PCDH7: variants seen among roughly 807,000 people sequenced by gnomAD.
PCDH7 encodes the protein protocadherin 7.
A neutral mutation model predicts 58.9 loss-of-function variants in PCDH7; 17 were observed. The ratio of observed to expected loss-of-function variants is 0.29; its 90% CI spans 0.20 to 0.43. The LOEUF is 0.43. Ranked by LOEUF, PCDH7 falls within the 20% of genes least tolerant of loss-of-function variation. The pLI is 1.00. For synonymous variants in PCDH7, 664 were observed against 616.4 expected, an observed-to-expected ratio of 1.08 and a Z score of -1.14; for missense variants, 1,274 against 1,441.0, an observed-to-expected ratio of 0.88 and a Z score of 1.88.
At chr4:31,072,542 G>A (rs1001957023) in intron 3 of PCDH7, among the ~76,000 whole-genome samples, 44 of 152,108 alleles carry the variant, frequency 2.9e-4, no homozygotes, top group African/African-American at 1.0e-3. Flanking sequence ...TCTTGGAGGA[G>A]TCACCATTTT....
At chr4:30,947,339 C>T (rs1354657361) in intron 2 of PCDH7, among the ~76,000 whole-genome samples, 1 of 152,080 alleles carries the variant, frequency 6.6e-6, no homozygotes, top group East Asian at 1.9e-4. Context: ...TTAATAATAA[C>T]CACAAACTGT....
intron 1 of PCDH7, among the ~76,000 whole-genome samples, chr4:30,865,766 T>C (rs1734799966): frequency 6.6e-6 from 1 of 152,106 alleles, no homozygotes; most frequent in Admixed American, 6.6e-5. Flanking sequence ...TTTTCTCAGT[T>C]GATGAACAGT....
intron 3 of PCDH7, among the ~76,000 whole-genome samples, chr4:31,021,585 ACTCAAAGACCCAGATTCCTTAC>A (rs556250524): frequency 6.6e-6 from 1 of 152,036 alleles, no homozygotes; most frequent in African/African-American, 2.4e-5. Flanking sequence ...TTTCTGCGGG[ACTCAAAGACCCAGATTCCTTAC>A]CTCTTGTAAT....
intron 3 of PCDH7, among the ~76,000 whole-genome samples, chr4:31,136,386 G>A (rs561880469): frequency 2.3e-4 from 35 of 152,158 alleles, no homozygotes; most frequent in Admixed American, 5.2e-4. Flanking sequence ...ACGTGGTTGA[G>A]CCTGGAATCA....
chr4:30,934,397 C>A (rs2109429525), intron 2 of PCDH7, among the ~76,000 whole-genome samples: 1 of 151,484 alleles, frequency 6.6e-6, no homozygotes, highest in African/African-American at 2.4e-5. Flanking sequence ...GCTTCTTAAA[C>A]TTTTTCTGAA....
At chr4:30,815,977 G>C (rs1424440970) in intron 1 of PCDH7, among the ~76,000 whole-genome samples, 3 of 152,148 alleles carry the variant, frequency 2.0e-5, no homozygotes, top group Non-Finnish European at 4.4e-5. Flanking sequence ...TTGAGAAAAG[G>C]TGTTTGAAAC....
At chr4:30,967,927 C>A (rs1749138740) in intron 3 of PCDH7, among the ~76,000 whole-genome samples, 1 of 152,034 alleles carries the variant, frequency 6.6e-6, no homozygotes, top group African/African-American at 2.4e-5. Context: ...ATAACTCAGA[C>A]AAAAATTGAT....
chr4:31,027,888 C>T (rs1052237155), intron 3 of PCDH7, among the ~76,000 whole-genome samples: 3 of 152,094 alleles, frequency 2.0e-5, no homozygotes, highest in African/African-American at 7.2e-5. Context: ...ATCAATCCTG[C>T]TTATCCTTTA....
chr4:30,742,508 A>G (rs1228069135), intron 1 of PCDH7, among the ~76,000 whole-genome samples: 1 of 152,160 alleles, frequency 6.6e-6, no homozygotes, highest in African/African-American at 2.4e-5. Context: ...ATATATGGCT[A>G]TATGCATTTC....
chr4:30,910,009 A>G (rs1741521833), intron 1 of PCDH7, among the ~76,000 whole-genome samples: 1 of 152,140 alleles, frequency 6.6e-6, no homozygotes, highest in African/African-American at 2.4e-5. Flanking sequence ...TGGAGGCCTC[A>G]GAAATAACAC....
At chr4:31,027,846 G>GT (rs1314295023) in intron 3 of PCDH7, among the ~76,000 whole-genome samples, 1 of 152,144 alleles carries the variant, frequency 6.6e-6, no homozygotes, top group Non-Finnish European at 1.5e-5. Context: ...ATTACTGTGT[G>GT]TAACATTTCC....
intron 3 of PCDH7, among the ~76,000 whole-genome samples, chr4:31,135,989 G>T (rs1436937716): frequency 1.3e-5 from 2 of 152,188 alleles, no homozygotes; most frequent in Admixed American, 1.3e-4. Context: ...AATTCTCACA[G>T]TAATTCTAAG....
At chr4:30,766,018 C>T (rs770247240) in intron 1 of PCDH7, among the ~76,000 whole-genome samples, 2 of 151,608 alleles carry the variant, frequency 1.3e-5, no homozygotes, top group South Asian at 2.1e-4. Context: ...CCAAATGTGA[C>T]GCCTGGTAAG....
chr4:31,113,861 A>T, intron 3 of PCDH7, among the ~76,000 whole-genome samples: 1 of 130,514 alleles, frequency 7.7e-6, no homozygotes. Context: ...TGAGATGGAG[A>T]GTCACTCTGT....
intron 1 of PCDH7, among the ~76,000 whole-genome samples, chr4:30,832,385 T>C (rs1009245016): frequency 3.3e-5 from 5 of 152,218 alleles, no homozygotes; most frequent in African/African-American, 1.2e-4. Flanking sequence ...TGGTATATTC[T>C]GAAACTAAAT....
chr4:30,771,607 T>G (rs1279146211), intron 1 of PCDH7, among the ~76,000 whole-genome samples: 1 of 152,196 alleles, frequency 6.6e-6, no homozygotes, highest in African/African-American at 2.4e-5. Flanking sequence ...AAATGTGATT[T>G]TTAAATTTTG....
intron 3 of PCDH7, among the ~76,000 whole-genome samples, chr4:30,955,922 C>T (rs1288039014): frequency 2.0e-5 from 3 of 151,720 alleles, no homozygotes; most frequent in South Asian, 2.1e-4. Flanking sequence ...CAGTGGCTCA[C>T]GCCTGTAATC....
At chr4:31,083,380 A>G (rs2109272870) in intron 3 of PCDH7, among the ~76,000 whole-genome samples, 1 of 152,276 alleles carries the variant, frequency 6.6e-6, no homozygotes, top group African/African-American at 2.4e-5. Context: ...TATAGGTATG[A>G]ACTATAATTA....
chr4:31,094,026 T>A (rs557520555), intron 3 of PCDH7, among the ~76,000 whole-genome samples: 1 of 152,266 alleles, frequency 6.6e-6, no homozygotes, highest in East Asian at 1.9e-4. Flanking sequence ...ATCACTGTCT[T>A]TGGGAACCTG....
Sources: allele counts gnomAD v4.1 joint callset (sites outside exome capture counted in the v4.1 genomes callset), GRCh38; gene constraint gnomAD v4.1.1; transcripts MANE v1.5; gene names NCBI Gene and HGNC (gene_info 2026-07-23, HGNC 2026-07-21).